Variants in ABLIM1 observed in about 807,000 individuals in gnomAD.
ABLIM1 encodes actin binding LIM protein 1.
Under a neutral mutation model 107.0 loss-of-function variants are expected in ABLIM1, and 40 were observed. The observed-to-expected ratio is 0.37, with a 90% CI of 0.29 to 0.49. The LOEUF (loss-of-function observed/expected upper bound fraction) is 0.49. ABLIM1 is among the 20% of genes least tolerant of loss of function. The pLI is 0.97. For synonymous variants in ABLIM1, 357 were observed against 357.3 expected, an observed-to-expected ratio of 1.00 and a Z score of 0.01; for missense variants, 857 against 1,008.5, an observed-to-expected ratio of 0.85 and a Z score of 2.04.
At chr10:114,632,828 C>T (rs1358632768) in intron 1 of ABLIM1, 7 of 976,304 alleles carry the variant, frequency 7.2e-6, no homozygotes, top group Non-Finnish European at 8.5e-6. Context: ...AAGGGACAAA[C>T]AGCCTCATCT....
chr10:114,690,343 T>C (rs1253443843), intron 1 of ABLIM1: 4 of 1,604,298 alleles, frequency 2.5e-6, no homozygotes, highest in Non-Finnish European at 3.4e-6. Flanking sequence ...GCATTTGCCA[T>C]GGACAAGATG....
At chr10:114,578,695 C>T (rs1169432650) in intron 2 of ABLIM1, among the ~76,000 whole-genome samples, 4 of 151,692 alleles carry the variant, frequency 2.6e-5, no homozygotes, top group African/African-American at 4.8e-5. Context: ...TATCAGCCAC[C>T]ACGCCCAGCC....
chr10:114,761,588 C>T (rs1369017034), intron 1 of ABLIM1, among the ~76,000 whole-genome samples: 1 of 152,176 alleles, frequency 6.6e-6, no homozygotes, highest in East Asian at 1.9e-4. Flanking sequence ...TTTCTTCCTT[C>T]CCACTGCACA....
chr10:114,699,310 A>C (rs2081261529), intron 1 of ABLIM1, among the ~76,000 whole-genome samples: 1 of 152,154 alleles, frequency 6.6e-6, no homozygotes, highest in Non-Finnish European at 1.5e-5. Context: ...GCTCAGAATA[A>C]TTCCTTCTCT....
chr10:114,768,660 CG>C (rs1253428330), upstream of ABLIM1, among the ~76,000 whole-genome samples: 1 of 142,274 alleles, frequency 7.0e-6, no homozygotes. Context: ...AGCCTATGGG[CG>C]GGGTGGGATG....
At chr10:114,487,907 AGC>A in intron 8 of ABLIM1, 49 bp downstream of exon 8, 2 of 1,598,970 alleles carry the variant, frequency 1.3e-6, no homozygotes, top group Non-Finnish European at 8.6e-7. Context: ...AGTGACCACG[AGC>A]GTATGGCCTA....
chr10:114,450,952 T>C (rs1192577135), intron 14 of ABLIM1, among the ~76,000 whole-genome samples: 1 of 152,214 alleles, frequency 6.6e-6, no homozygotes, highest in Non-Finnish European at 1.5e-5. Flanking sequence ...TGTGAGTTCC[T>C]GAGTTAAAAA....
At position 114,722,287 on chromosome 10, in the gene ABLIM1, A is replaced by G. The variant is rs115780594; in HGVS notation, c.-213+45774T>C. On this transcript the variant is annotated intron_variant, in intron 1 of 15. Transcript: ENST00000651092. ...AAAGGGGAAGCAGGTACGTTTTCAC[A>G]TGGTCAGAGCAGGAGGAAGAGAAGG... Among the ~76,000 whole-genome samples the G allele has an allele frequency of 2.1e-3, 324 of 152,218 alleles. 1 individual carries two copies. Among genetic ancestry groups the G allele is most frequent in the African/African-American group, 7.1e-3 (295 of 41,540 alleles).
At chr10:114,553,710 T>G (rs555530907) in intron 4 of ABLIM1, among the ~76,000 whole-genome samples, 8 of 152,328 alleles carry the variant, frequency 5.3e-5, no homozygotes, top group African/African-American at 1.9e-4. Flanking sequence ...CAAGAGAAGC[T>G]TTTGATGTAT....
chr10:114,731,013 A>G (rs1376687256), intron 1 of ABLIM1, among the ~76,000 whole-genome samples: 2 of 152,186 alleles, frequency 1.3e-5, no homozygotes, highest in Admixed American at 6.5e-5. Flanking sequence ...TCACTGTTGA[A>G]TAATATACCA....
chr10:114,447,753 T>C (rs1356183354), intron 15 of ABLIM1, 127 bp downstream of exon 15: 32 of 1,326,042 alleles, frequency 2.4e-5, no homozygotes, highest in Non-Finnish European at 3.3e-5. Context: ...TTCACTATGC[T>C]ACCTCTTGGT....
chr10:114,530,391 C>A (rs2065323387), intron 6 of ABLIM1, among the ~76,000 whole-genome samples: 1 of 152,028 alleles, frequency 6.6e-6, no homozygotes, highest in Admixed American at 6.5e-5. Flanking sequence ...GGGTAGTATA[C>A]AGAGCAGTTA....
chr10:114,630,157 C>T (rs1314787083), intron 1 of ABLIM1, among the ~76,000 whole-genome samples: 4 of 152,100 alleles, frequency 2.6e-5, no homozygotes, highest in Non-Finnish European at 5.9e-5. Context: ...ATAATATATA[C>T]CATATATAGC....
intron 1 of ABLIM1, among the ~76,000 whole-genome samples, chr10:114,691,593 G>A (rs930607036): frequency 6.6e-6 from 1 of 152,182 alleles, no homozygotes; most frequent in South Asian, 2.1e-4. Context: ...GGAATCAGGG[G>A]ATTCCACTCT....
At chr10:114,720,496 T>C (rs1240057355) in intron 1 of ABLIM1, among the ~76,000 whole-genome samples, 1 of 152,174 alleles carries the variant, frequency 6.6e-6, no homozygotes, top group Non-Finnish European at 1.5e-5. Flanking sequence ...AACAACAGTG[T>C]AAAAGAGTTC....
At chr10:114,587,068 T>C (rs2074275221) in intron 2 of ABLIM1, among the ~76,000 whole-genome samples, 1 of 152,228 alleles carries the variant, frequency 6.6e-6, no homozygotes, top group Admixed American at 6.5e-5. Context: ...GGTAAACATC[T>C]TAGCCTAAAA....
chr10:114,771,023 G>T (rs2083017836), upstream of ABLIM1, among the ~76,000 whole-genome samples: 1 of 152,126 alleles, frequency 6.6e-6, no homozygotes, highest in Non-Finnish European at 1.5e-5. Flanking sequence ...TAGAGACGGG[G>T]TTTTACCATG....
intron 6 of ABLIM1, among the ~76,000 whole-genome samples, chr10:114,492,523 C>A (rs933651661): frequency 2.6e-5 from 4 of 152,150 alleles, no homozygotes; most frequent in Admixed American, 6.5e-5. Flanking sequence ...ATGACAGATG[C>A]CATCACAGCA....
At chr10:114,650,077 G>A (rs996360356) in intron 1 of ABLIM1, among the ~76,000 whole-genome samples, 3 of 151,966 alleles carry the variant, frequency 2.0e-5, no homozygotes, top group African/African-American at 7.3e-5. Flanking sequence ...GGCTGGTCTC[G>A]ACCTCCTGAC....
Sources: gnomAD v4.1 joint callset for allele counts (sites outside exome capture counted in the v4.1 genomes callset) on GRCh38, gnomAD v4.1.1 for gene constraint, MANE v1.5 for transcripts, NCBI Gene and HGNC (gene_info 2026-07-23, HGNC 2026-07-21) for gene names.